Variants in ANKMY1 observed in about 807,000 individuals in gnomAD.
ANKMY1 encodes the protein ankyrin repeat and MYND domain containing 1, also known as ankyrin repeat and MYND domain-containing protein 1.
In ANKMY1, 98 loss-of-function variants were observed where a neutral mutation model predicts 102.0. The ratio of observed to expected loss-of-function variants is 0.96; its 90% CI spans 0.82 to 1.14. The LOEUF (loss-of-function observed/expected upper bound fraction) is 1.14. Ranked by LOEUF, ANKMY1 falls within the 50% of genes most tolerant of loss-of-function variation. The pLI is 0.00. For synonymous variants in ANKMY1, 582 were observed against 559.9 expected, an observed-to-expected ratio of 1.04 and a Z score of -0.56; for missense variants, 1,330 against 1,347.6, an observed-to-expected ratio of 0.99 and a Z score of 0.20.
intron 4 of ANKMY1, among the ~76,000 whole-genome samples, chr2:240,544,545 G>C (rs55902501): frequency 0.16 from 24,879 of 152,178 alleles, 2,185 homozygotes; most frequent in Middle Eastern, 0.3. Context: ...CTACAGCTCC[G>C]AGCATAAGCG....
At chr2:240,487,556 C>T (rs966128540) in intron 15 of ANKMY1, among the ~76,000 whole-genome samples, 1 of 151,860 alleles carries the variant, frequency 6.6e-6, no homozygotes, top group African/African-American at 2.4e-5. Flanking sequence ...ATACTGTTTT[C>T]CATAGTGCCT....
Position 240,524,002 on chromosome 2 carries a change from T to C in ANKMY1, c.1715A>G (p.Gln572Arg). ...CTGGGCGCTTCTCTCCAGCATGGCCTGCGAGAGCTCGATGGAGAAGTCGCA... is the reference window on the plus strand; with the variant it reads ...CTGGGCGCTTCTCTCCAGCATGGCCCGCGAGAGCTCGATGGAGAAGTCGCA... ...CVCDFSIELS[Q>R]AMLERSAQSH... Residue 572 changes from glutamine (Q) to arginine (R), a missense_variant, in exon 8 of 18, where the codon CAG (glutamine) becomes CGG (arginine). Transcript: ENST00000401804. 1 of 1,613,938 alleles carries C rather than the reference T, an allele frequency of 6.2e-7. No individual in the cohort carries two copies. The highest frequency in any genetic ancestry group is 8.5e-7 in the Non-Finnish European group (1 of 1,180,032).
Position 240,526,436 on chromosome 2 carries a change from T to C in ANKMY1, c.963A>G (p.Pro321=). The change falls in exon 6 of 18, where the codon CCA becomes CCG. Residue 321 remains proline (P), a synonymous_variant. Transcript: ENST00000401804. ...QKQTYKFRNK[P]AHTSWNMGAI... is the part of the protein sequence containing the mutation. Reference sequence around the variant, plus strand: ...CGCCCATGTTCCAGCTGGTGTGAGCTGGCTTGTTCCTGGCAACACAACAAG... The same window carrying C: ...CGCCCATGTTCCAGCTGGTGTGAGCCGGCTTGTTCCTGGCAACACAACAAG... 6.2e-7 allele frequency: 1 copy of C among 1,614,136 alleles called. No homozygotes were observed. Among genetic ancestry groups the C allele is most frequent in the Non-Finnish European group, 8.5e-7 (1 of 1,180,038 alleles).
chr2:240,472,237 G>A, the ANKMY1 span, among the ~76,000 whole-genome samples: 2 of 124,444 alleles, frequency 1.6e-5, no homozygotes, highest in African/African-American at 2.9e-5. Flanking sequence ...ACGGCCGCAC[G>A]CGGGGAGGCA....
At chr2:240,469,231 A>G in the ANKMY1 span, among the ~76,000 whole-genome samples, 1 of 152,206 alleles carries the variant, frequency 6.6e-6, no homozygotes, top group African/African-American at 2.4e-5. Flanking sequence ...TGTCAGGGAA[A>G]GGAGGACACA....
rs772836265 is a variant in ANKMY1, at chr2:240,480,930, G to T, written c.3046+7C>A. ...ACCCTTGCCTCCCAGCCTGAGGGCC[G>T]ACCTACCGATGGCCACCAGGTCCCC... On this transcript the variant is annotated splice_region_variant and intron_variant, in intron 17 of 17. Coordinates refer to ENST00000401804, the MANE Select transcript of ANKMY1 (RefSeq NM_001282771.3). 7 of 1,602,606 alleles carry T rather than the reference G, an allele frequency of 4.4e-6. No homozygotes were observed. The highest frequency in any genetic ancestry group is 6.0e-6 in the Non-Finnish European group (7 of 1,170,874).
intron 7 of ANKMY1, 43 bp from the exon 8 acceptor site, chr2:240,524,424 T>C (rs1407683455): frequency 6.4e-7 from 1 of 1,554,482 alleles, no homozygotes; most frequent in Admixed American, 1.9e-5. Context: ...TAAATTGGAG[T>C]GATAACCTCA....
chr2:240,546,860 G>C (rs1378613945), intron 4 of ANKMY1, among the ~76,000 whole-genome samples: 3 of 152,302 alleles, frequency 2.0e-5, no homozygotes, highest in Non-Finnish European at 4.4e-5. Flanking sequence ...GATTCATAAA[G>C]CAAGTCCTGA....
At chr2:240,508,315 A>G (rs2079467250) in intron 12 of ANKMY1, among the ~76,000 whole-genome samples, 1 of 152,254 alleles carries the variant, frequency 6.6e-6, no homozygotes, top group Admixed American at 6.5e-5. Flanking sequence ...TGCCTCTAAC[A>G]GGGCCTAGCC....
At chr2:240,518,094 T>G (rs764796326) in intron 9 of ANKMY1, among the ~76,000 whole-genome samples, 2 of 151,998 alleles carry the variant, frequency 1.3e-5, no homozygotes, top group Non-Finnish European at 2.9e-5. Context: ...AATTGACGAA[T>G]GGGGGGGAAG....
rs2079171569 is a variant in ANKMY1, at chr2:240,506,916, G to A, written c.2526+644C>T. ...CAGAAGGTGTCTCCAGCGCGGGCAGGATTTCCCGACTGTGAGCTTCCACCT... is the reference window on the plus strand; with the variant it reads ...CAGAAGGTGTCTCCAGCGCGGGCAGAATTTCCCGACTGTGAGCTTCCACCT... On this transcript the variant is annotated intron_variant, in intron 13 of 17. Coordinates refer to ENST00000401804, the MANE Select transcript of ANKMY1 (RefSeq NM_001282771.3). This position sits in a 1 kb window ranked among gnomAD's most constrained non-coding sequence, Gnocchi z 4.9. 2.0e-5 allele frequency among the ~76,000 whole-genome samples: 3 copies of A among 152,092 alleles called. No individual in the cohort carries two copies. The highest frequency in any genetic ancestry group is 2.0e-4 in the Admixed American group (3 of 15,270).
chr2:240,508,927 C>T (rs1027474548), intron 12 of ANKMY1, among the ~76,000 whole-genome samples: 18 of 148,010 alleles, frequency 1.2e-4, no homozygotes, highest in Non-Finnish European at 2.7e-4. Context: ...GATGGGTGAA[C>T]GGTTGAGTGG....
At chr2:240,504,629 C>T (rs978182661) in intron 13 of ANKMY1, among the ~76,000 whole-genome samples, 8 of 152,062 alleles carry the variant, frequency 5.3e-5, no homozygotes, top group Admixed American at 1.3e-4. Flanking sequence ...AGACATTTCT[C>T]CAAATAAGAT....
At chr2:240,533,718 AACACACACACACACACAC>A (rs34916770) in intron 4 of ANKMY1, among the ~76,000 whole-genome samples, 4 of 145,528 alleles carry the variant, frequency 2.7e-5, no homozygotes, top group African/African-American at 5.1e-5. Context: ...GATTTCAATA[AACACACACACACACACAC>A]ACACACACAC....
chr2:240,515,881 C>G (rs1322547240), intron 9 of ANKMY1, among the ~76,000 whole-genome samples: 1 of 142,608 alleles, frequency 7.0e-6, no homozygotes, highest in African/African-American at 2.5e-5. Flanking sequence ...CCATGCCCGG[C>G]TAATTTTTTT....
At position 240,509,243 on chromosome 2, in the gene ANKMY1, G is replaced by GGATGGATA. The variant is rs564955310; in HGVS notation, c.2394+104_2394+105insTATCCATC. Reference sequence around the variant, plus strand: ...TGGATGAATGGATGGATGGATGGATGGATAAATGGCCAACAACTTCAAATC... The same window carrying GGATGGATA: ...TGGATGAATGGATGGATGGATGGATGGATGGATAGATAAATGGCCAACAACTTCAAATC... On this transcript the variant is annotated intron_variant, in intron 12 of 17. Transcript: ENST00000401804. 989 of 832,154 alleles carry GGATGGATA rather than the reference G, an allele frequency of 1.2e-3. 9 individuals carry two copies. Among genetic ancestry groups the GGATGGATA allele is most frequent in the Admixed American group, 1.6e-3 (58 of 36,678 alleles). 51.5% of individuals were successfully genotyped at this position (832,154 alleles called of 1,614,324 possible).
At position 240,526,214 on chromosome 2, in the gene ANKMY1, G is replaced by A; in HGVS notation, c.1170+15C>T. On this transcript the variant is annotated intron_variant, in intron 6 of 17. Transcript: ENST00000401804. ...AAGCTCCTGCGGGCACCAGCTGGGAGGGTGTGGGGCTTACAGCAGCCGCAG... is the reference window on the plus strand; with the variant it reads ...AAGCTCCTGCGGGCACCAGCTGGGAAGGTGTGGGGCTTACAGCAGCCGCAG... The A allele has an allele frequency of 1.2e-6, 2 of 1,613,902 alleles. No individual in the cohort carries two copies. Among genetic ancestry groups the A allele is most frequent in the Non-Finnish European group, 8.5e-7 (1 of 1,179,954 alleles).
rs183099255 is a variant in ANKMY1 at position 240,527,020 on chromosome 2, G to A, written c.954-575C>T. 165 of 992,248 alleles carry A rather than the reference G, an allele frequency of 1.7e-4. 1 individual carries two copies. In the East Asian group the frequency reaches 0.013, roughly 79 times the overall value. The allele number at this position is 992,248 out of a possible 1,614,324, so 61.5% of individuals were successfully genotyped here. ...TTACAAGCCCAGTTGATGTCTGCAT[G>A]ATGGATGGATGGATGGTTGGGTAGG... On this transcript the variant is annotated intron_variant, in intron 5 of 17. Coordinates refer to ENST00000401804, the MANE Select transcript of ANKMY1 (RefSeq NM_001282771.3).
intron 4 of ANKMY1, chr2:240,532,125 T>G: frequency 2.1e-6 from 1 of 468,684 alleles, no homozygotes; most frequent in Non-Finnish European, 4.4e-6. Context: ...AATGGAAACA[T>G]CACATTGAAA....
Sources: allele counts gnomAD v4.1 joint callset (sites outside exome capture counted in the v4.1 genomes callset), GRCh38; gene constraint gnomAD v4.1.1; non-coding constraint Gnocchi (gnomAD v3.1); transcripts MANE v1.5; gene names NCBI Gene and HGNC (gene_info 2026-07-23, HGNC 2026-07-21).